The following UNC45A variants were observed in gnomAD, a reference collection of about 807,000 sequenced individuals.
The protein encoded by UNC45A is protein unc-45 homolog A.
In UNC45A, 78 loss-of-function variants were observed where a neutral mutation model predicts 103.2. The observed-to-expected ratio is 0.76, with a 90% confidence interval of 0.63 to 0.91. The LOEUF (loss-of-function observed/expected upper bound fraction) is 0.91, where lower values mean the gene tolerates loss of function less well. Among genes scored for constraint, UNC45A ranks in the 40% least tolerant of loss-of-function variants. The pLI, the probability that UNC45A is intolerant of heterozygous loss-of-function variation, is 0.00. For synonymous variants in UNC45A, 495 were observed against 504.6 expected, an observed-to-expected ratio of 0.98 and a Z score of 0.25; for missense variants, 1,193 against 1,224.8, an observed-to-expected ratio of 0.97 and a Z score of 0.39.
At chr15:90,941,159 C>G (rs2036271745) in intron 6 of UNC45A, among the ~76,000 whole-genome samples, 1 of 152,162 alleles carries the variant, frequency 6.6e-6, no homozygotes, top group African/African-American at 2.4e-5. Flanking sequence ...CTTCAATGTC[C>G]ATATGGCACA....
At chr15:90,945,931 G>A (rs1367907411) in intron 9 of UNC45A, among the ~76,000 whole-genome samples, 5 of 138,324 alleles carry the variant, frequency 3.6e-5, no homozygotes, top group Admixed American at 7.4e-5. Context: ...TGAGGACCGC[G>A]TCCAGGCGAC....
At chr15:90,939,948 G>C in intron 5 of UNC45A, 125 bp downstream of exon 5, 2 of 857,812 alleles carry the variant, frequency 2.3e-6, no homozygotes, top group South Asian at 3.2e-5. Context: ...ACGGGGCCTG[G>C]ATGGGAGCTC....
chr15:90,943,199 AG>A (rs921903478), intron 8 of UNC45A, 117 bp downstream of exon 8: 8 of 1,278,800 alleles, frequency 6.3e-6, no homozygotes, highest in Non-Finnish European at 7.4e-6. Context: ...TTTGAGAGGC[AG>A]GGGGTCACTT....
intron 6 of UNC45A, 109 bp downstream of exon 6, chr15:90,940,582 C>T (rs926735112): frequency 4.3e-6 from 6 of 1,405,264 alleles, no homozygotes; most frequent in South Asian, 1.4e-5. Flanking sequence ...TCCATCCATC[C>T]ATCCACTCTT....
chr15:90,933,247 C>G (rs1170550902), upstream of UNC45A: 3 of 152,258 alleles, frequency 2.0e-5, no homozygotes, highest in Admixed American at 2.0e-4. Context: ...ATGAGAGCTC[C>G]TATTTCAGTC....
intron 17 of UNC45A, 110 bp from the exon 18 acceptor site, chr15:90,952,819 C>A: frequency 1.1e-6 from 1 of 950,946 alleles, no homozygotes; most frequent in Non-Finnish European, 1.6e-6. Flanking sequence ...ATGACCCAGT[C>A]ACCTCCCACC....
intron 4 of UNC45A, among the ~76,000 whole-genome samples, chr15:90,938,832 T>A (rs1464075426): frequency 1.4e-5 from 2 of 143,602 alleles, no homozygotes; most frequent in South Asian, 4.5e-4. Flanking sequence ...CCACCACACC[T>A]GGCTAATTTT....
intron 4 of UNC45A, among the ~76,000 whole-genome samples, chr15:90,937,060 A>AATAGGC (rs1321761293): frequency 6.6e-6 from 1 of 152,208 alleles, no homozygotes; most frequent in African/African-American, 2.4e-5. Flanking sequence ...AACAAAGCAA[A>AATAGGC]ATAGGCAGGG....
intron 4 of UNC45A, among the ~76,000 whole-genome samples, chr15:90,939,147 T>C (rs2036162626): frequency 6.7e-6 from 1 of 149,688 alleles, no homozygotes; most frequent in Non-Finnish European, 1.5e-5. Flanking sequence ...GCCCGGCTAA[T>C]TTTTTGTATT....
intron 4 of UNC45A, among the ~76,000 whole-genome samples, chr15:90,939,261 G>A (rs1208440982): frequency 1.3e-5 from 2 of 152,228 alleles, no homozygotes; most frequent in African/African-American, 4.8e-5. Context: ...GATTACAGGC[G>A]GGAGCCACTG....
chr15:90,952,093 T>C (rs185491175), intron 17 of UNC45A: 336 of 152,424 alleles, frequency 2.2e-3, no homozygotes, highest in Non-Finnish European at 3.7e-3. Flanking sequence ...AAGAGGGTCC[T>C]TGGACATTGC....
In UNC45A at chr15:90,944,962, CAGCCGCATG is replaced by C. The variant is rs1208598753; in HGVS notation, c.1102_1110del (p.Arg368_Ser370del). 2.5e-6 allele frequency: 4 copies of C among 1,612,654 alleles called. No individual in the cohort carries two copies. Among genetic ancestry groups the C allele is most frequent in the Non-Finnish European group, 3.4e-6 (4 of 1,180,054 alleles). ...CTGGGGAGCTCGCAGTGACCGCAAA[CAGCCGCATG>C]AGCGCCTCTATTCTCCTCAGCAAGC... On this transcript the variant is annotated inframe_deletion, in exon 9 of 20. Coordinates refer to ENST00000418476, the MANE Select transcript of UNC45A (RefSeq NM_018671.5).
In UNC45A at chr15:90,945,040, C is replaced by T. The variant is rs142456214; in HGVS notation, c.1176C>T (p.His392=). The T allele has an allele frequency of 1.4e-5, 23 of 1,612,894 alleles. No individual in the cohort carries two copies. Among genetic ancestry groups the T allele is most frequent in the Non-Finnish European group, 1.9e-5 (22 of 1,179,984 alleles). ...LKCDAERENF[H]RLCENYIKSW... ...GTGATGCGGAGAGGGAGAATTTCCA[C>T]AGACTTTGTGAAAACTACATCAAGT... The change falls in exon 9 of 20, where the codon CAC becomes CAT. Residue 392 remains histidine (H), a synonymous_variant. Coordinates refer to ENST00000418476, the MANE Select transcript of UNC45A (RefSeq NM_018671.5).
chr15:90,931,962 C>T (rs189226087), upstream of UNC45A: 1,023 of 1,613,820 alleles, frequency 6.3e-4, 7 homozygotes, highest in African/African-American at 0.012. Context: ...CAAGTTCCCA[C>T]TCAGCCCTGA....
intron 12 of UNC45A, 125 bp from the exon 13 acceptor site, chr15:90,948,529 C>T: frequency 3.4e-6 from 5 of 1,461,688 alleles, no homozygotes; most frequent in Non-Finnish European, 4.6e-6. Flanking sequence ...TGGGAGTTTC[C>T]CGAATTCATC....
upstream of UNC45A, chr15:90,932,888 A>G (rs769269569): frequency 2.5e-5 from 6 of 244,260 alleles, no homozygotes; most frequent in Non-Finnish European, 3.9e-5. Flanking sequence ...GGCTCAGGGG[A>G]CTATGGGAGC....
At chr15:90,934,938 C>T (rs2035925447), upstream of UNC45A, 2 of 442,708 alleles carry the variant, frequency 4.5e-6, no homozygotes, top group Admixed American at 8.1e-5. Context: ...TTTTTCTCTC[C>T]CGCAGGGGCC....
chr15:90,948,003 C>A, intron 11 of UNC45A, 113 bp downstream of exon 11: 1 of 1,492,948 alleles, frequency 6.7e-7, no homozygotes, highest in South Asian at 1.2e-5. Context: ...CAGGCAGGGG[C>A]TGCAGTCTGG....
intron 8 of UNC45A, among the ~76,000 whole-genome samples, chr15:90,944,040 C>T (rs572992577): frequency 8.8e-6 from 1 of 113,510 alleles, no homozygotes; most frequent in South Asian, 3.1e-4. Context: ...TACTTCTATA[C>T]TCAGAGGAAA....
Sources: allele counts gnomAD v4.1 joint callset (sites outside exome capture counted in the v4.1 genomes callset), GRCh38; gene constraint gnomAD v4.1.1; transcripts MANE v1.5; gene names NCBI Gene and HGNC (gene_info 2026-07-23, HGNC 2026-07-21).